GRIK2: variants seen among roughly 807,000 people sequenced by gnomAD.
The protein encoded by GRIK2 is glutamate receptor ionotropic, kainate 2.
In GRIK2, 32 loss-of-function variants were observed where a neutral mutation model predicts 100.3. The ratio of observed to expected loss-of-function variants is 0.32; its 90% confidence interval spans 0.24 to 0.43. The LOEUF (loss-of-function observed/expected upper bound fraction) is 0.43, where lower values mean the gene tolerates loss of function less well. Ranked by LOEUF, GRIK2 falls within the 20% of genes least tolerant of loss-of-function variation. GRIK2 has a pLI of 1.00. For synonymous variants in GRIK2, 417 were observed against 389.4 expected (o/e 1.07, Z -0.83); for missense variants, 843 against 1,114.9 (o/e 0.76, Z 3.47).
chr6:101,574,711 G>T (rs1054927634), intron 2 of GRIK2, among the ~76,000 whole-genome samples: 10 of 151,564 alleles, frequency 6.6e-5, no homozygotes, highest in African/African-American at 2.2e-4. Flanking sequence ...TGTTTACTCG[G>T]ATATTTTAAT....
intron 11 of GRIK2, among the ~76,000 whole-genome samples, chr6:101,872,352 C>T (rs975248852): frequency 3.3e-5 from 5 of 151,826 alleles, no homozygotes; most frequent in Admixed American, 6.6e-5. Context: ...ACTTACAATC[C>T]TAGTGGAGGG....
intron 2 of GRIK2, among the ~76,000 whole-genome samples, chr6:101,447,955 C>T (rs1770470318): frequency 6.6e-6 from 1 of 151,634 alleles, no homozygotes; most frequent in Non-Finnish European, 1.5e-5. Context: ...TAGAAGTGAA[C>T]TCAATCATGT....
At chr6:101,678,872 G>A (rs1359376846) in intron 5 of GRIK2, among the ~76,000 whole-genome samples, 1 of 152,120 alleles carries the variant, frequency 6.6e-6, no homozygotes, top group East Asian at 1.9e-4. Flanking sequence ...AACTGATTGA[G>A]CTTTTACTAG....
intron 2 of GRIK2, among the ~76,000 whole-genome samples, chr6:101,417,248 A>C (rs999344449): frequency 2.0e-5 from 3 of 152,156 alleles, no homozygotes; most frequent in African/African-American, 7.2e-5. Context: ...ACCTCCCACC[A>C]GGTCCCTCCC....
At chr6:101,633,105 G>C (rs181131324) in intron 4 of GRIK2, among the ~76,000 whole-genome samples, 1 of 152,156 alleles carries the variant, frequency 6.6e-6, no homozygotes, top group East Asian at 1.9e-4. Flanking sequence ...AAAAGCTAGC[G>C]TAGGAGAGAT....
At chr6:101,626,782 C>G (rs1043201220) in intron 4 of GRIK2, 145 bp downstream of exon 4, 4 of 640,572 alleles carry the variant, frequency 6.2e-6, no homozygotes, top group Non-Finnish European at 1.1e-5. Flanking sequence ...AATCAAACAC[C>G]AATCCTAATT....
chr6:101,747,611 C>T (rs908160358), intron 7 of GRIK2, among the ~76,000 whole-genome samples: 13 of 151,986 alleles, frequency 8.6e-5, no homozygotes, highest in African/African-American at 2.9e-4. Context: ...ATATGTACAT[C>T]TTAATTTATT....
intron 2 of GRIK2, among the ~76,000 whole-genome samples, chr6:101,412,948 T>C (rs1388499268): frequency 6.6e-6 from 1 of 152,034 alleles, no homozygotes; most frequent in African/African-American, 2.4e-5. Flanking sequence ...CTAAACCCGA[T>C]AGCCACAAGT....
At chr6:101,545,665 CTAT>C (rs918737382) in intron 2 of GRIK2, among the ~76,000 whole-genome samples, 1 of 152,018 alleles carries the variant, frequency 6.6e-6, no homozygotes, top group African/African-American at 2.4e-5. Flanking sequence ...AACATATATA[CTAT>C]TATTTCATAC....
At chr6:101,664,667 T>C (rs563034148) in intron 4 of GRIK2, among the ~76,000 whole-genome samples, 3 of 152,314 alleles carry the variant, frequency 2.0e-5, no homozygotes, top group Admixed American at 6.5e-5. Context: ...ATTGACTTTA[T>C]AAGTCATAAT....
intron 14 of GRIK2, among the ~76,000 whole-genome samples, chr6:101,965,691 A>G (rs1465524653): frequency 6.6e-6 from 1 of 152,150 alleles, no homozygotes; most frequent in East Asian, 1.9e-4. Flanking sequence ...ATTTGCCATT[A>G]CTTGTTAGTA....
intron 10 of GRIK2, among the ~76,000 whole-genome samples, chr6:101,858,537 C>T (rs1180198767): frequency 1.3e-5 from 2 of 150,198 alleles, no homozygotes; most frequent in Non-Finnish European, 2.9e-5. Context: ...CAGGCGCCCG[C>T]CACTACGCCC....
chr6:101,922,132 C>G (rs1789586197), intron 12 of GRIK2, among the ~76,000 whole-genome samples: 1 of 137,050 alleles, frequency 7.3e-6, no homozygotes, highest in Non-Finnish European at 1.6e-5. Flanking sequence ...TCCTTCCTTC[C>G]TTCCTTCCCT....
At chr6:101,394,143 C>G (rs796194676) in intron 1 of GRIK2, among the ~76,000 whole-genome samples, 1 of 152,164 alleles carries the variant, frequency 6.6e-6, no homozygotes, top group Non-Finnish European at 1.5e-5. Flanking sequence ...GTGGCCTCAG[C>G]TACGGGGACT....
intron 7 of GRIK2, among the ~76,000 whole-genome samples, chr6:101,711,312 A>G (rs1479692018): frequency 1.3e-5 from 2 of 151,762 alleles, no homozygotes; most frequent in Non-Finnish European, 2.9e-5. Flanking sequence ...AATATATAGA[A>G]ATGCCCACAA....
At chr6:101,553,905 C>T (rs1048727066) in intron 2 of GRIK2, among the ~76,000 whole-genome samples, 2 of 152,190 alleles carry the variant, frequency 1.3e-5, no homozygotes, top group Admixed American at 6.5e-5. Flanking sequence ...TTTGTACTTG[C>T]CTGCCCATAC....
At chr6:102,005,601 T>C (rs1023722861) in intron 14 of GRIK2, among the ~76,000 whole-genome samples, 1 of 152,138 alleles carries the variant, frequency 6.6e-6, no homozygotes, top group African/African-American at 2.4e-5. Context: ...TTATCTTTGG[T>C]ATATTAAACA....
At chr6:101,818,318 C>A in intron 9 of GRIK2, 52 bp from the exon 10 acceptor site, 1 of 988,256 alleles carries the variant, frequency 1.0e-6, no homozygotes, top group Non-Finnish European at 1.6e-6. Context: ...TTGCAGTACT[C>A]TCTACCACGT....
chr6:101,969,212 G>T (rs1344967978), intron 14 of GRIK2, among the ~76,000 whole-genome samples: 1 of 151,874 alleles, frequency 6.6e-6, no homozygotes, highest in African/African-American at 2.4e-5. Context: ...ATGATTGTGG[G>T]TGGCAAACAG....
Sources: gnomAD v4.1 joint callset for allele counts (sites outside exome capture counted in the v4.1 genomes callset) on GRCh38, gnomAD v4.1.1 for gene constraint, MANE v1.5 for transcripts, NCBI Gene and HGNC (gene_info 2026-07-23, HGNC 2026-07-21) for gene names.